Variants in ABCA9 observed in about 807,000 individuals in gnomAD.
ABCA9 encodes ATP-binding cassette sub-family A member 9.
In ABCA9, 183 loss-of-function variants were observed where a neutral mutation model predicts 205.3. The ratio of observed to expected loss-of-function variants is 0.89; its 90% CI spans 0.79 to 1.01. The LOEUF is 1.01. ABCA9 is among the 50% of genes least tolerant of loss of function. The pLI is 0.00. For synonymous variants in ABCA9, 651 were observed against 683.3 expected (o/e 0.95, Z 0.74); for missense variants, 1,805 against 1,912.4 (o/e 0.94, Z 1.05).
intron 26 of ABCA9, among the ~76,000 whole-genome samples, chr17:68,995,438 G>T (rs1414713589): frequency 6.6e-6 from 1 of 152,080 alleles, no homozygotes; most frequent in Non-Finnish European, 1.5e-5. Context: ...CACCGCGTAG[G>T]TCATATTATT....
intron 1 of ABCA9, among the ~76,000 whole-genome samples, chr17:69,058,836 C>CA (rs34009101): frequency 0.33 from 41,927 of 127,070 alleles, 6,429 homozygotes; most frequent in East Asian, 0.66. Flanking sequence ...GAGACTGTCT[C>CA]AAAAAAAAAA....
Position 69,007,885 on chromosome 17 carries a change from A to C in ABCA9, c.3322-13T>G. 6.5e-7 allele frequency: 1 copy of C among 1,546,978 alleles called. No homozygotes were observed. The highest frequency in any genetic ancestry group is 8.9e-7 in the Non-Finnish European group (1 of 1,122,858). Reference sequence around the variant, plus strand: ...TACTACACAGGATCTGAAAACAGAAATGTTAAGGTCCAATAAGGTAAATAC... The same window carrying C: ...TACTACACAGGATCTGAAAACAGAACTGTTAAGGTCCAATAAGGTAAATAC... On this transcript the variant is annotated splice_polypyrimidine_tract_variant and intron_variant, in intron 24 of 38. Coordinates refer to ENST00000340001, the MANE Select transcript of ABCA9 (RefSeq NM_080283.4).
chr17:69,021,702 TTTCTTTC>T (rs2070814369), intron 18 of ABCA9, 33 bp downstream of exon 18: 1 of 1,342,056 alleles, frequency 7.5e-7, no homozygotes, highest in African/African-American at 1.5e-5. Flanking sequence ...CCTTCCTTTC[TTTCTTTC>T]TCCCTTTCTT....
In ABCA9 at chr17:68,989,105, T is replaced by C. The variant is rs752297322; in HGVS notation, c.3969A>G (p.Gly1323=). 4 of 1,608,858 alleles carry C rather than the reference T, an allele frequency of 2.5e-6. No homozygotes were observed. The African/African-American group carries it at 5.3e-5, about 22-fold the overall frequency. The part of the protein sequence containing the change: ...SFCVKKGEVI[G]LLGHNGAGKS... ...TACCAGCTCCATTGTGTCCTAACAG[T>C]CCTATAACTTCACCTGAAAGAAAGT... Residue 1323 remains glycine, a synonymous_variant, in exon 31 of 39, where the codon GGA becomes GGG. Transcript: ENST00000340001.
rs779720462 is a variant in ABCA9 at position 68,989,227 on chromosome 17, A to G, written c.3956-109T>C. ...GTGCTATGTGAAATGTGCTATATAT[A>G]TTATTTCCCTTATTCCTCTCTCTCT... On this transcript the variant is annotated intron_variant, in intron 30 of 38. Transcript: ENST00000340001. 11 of 609,440 alleles carry G rather than the reference A, an allele frequency of 1.8e-5. 1 individual carries two copies. Among genetic ancestry groups the G allele is most frequent in the Non-Finnish European group, 3.3e-5 (11 of 332,686 alleles). The allele number at this position is 609,440 out of a possible 1,614,324, so 37.8% of individuals were successfully genotyped here. A position where few individuals can be genotyped will look rare whatever the true frequency, so the allele number is the denominator to read the frequency against.
intron 19 of ABCA9, among the ~76,000 whole-genome samples, chr17:69,019,586 A>C (rs2070747057): frequency 1.3e-5 from 2 of 152,134 alleles, no homozygotes; most frequent in African/African-American, 4.8e-5. Flanking sequence ...TATATGTCTA[A>C]TCACCCTCAA....
chr17:68,977,130 G>A (rs368379396), intron 37 of ABCA9, among the ~76,000 whole-genome samples: 1 of 152,164 alleles, frequency 6.6e-6, no homozygotes, highest in African/African-American at 2.4e-5. Flanking sequence ...TTTCAAAGGG[G>A]AGGTATCTTG....
At chr17:69,003,116 C>T (rs1598355319) in intron 25 of ABCA9, among the ~76,000 whole-genome samples, 1 of 151,292 alleles carries the variant, frequency 6.6e-6, no homozygotes. Context: ...AGTCCATTTA[C>T]ATTTAAAGTT....
Position 69,023,623 on chromosome 17 carries a change from C to G in ABCA9, c.2281+591G>C, listed in dbSNP as rs1272915299. On this transcript the variant is annotated intron_variant, in intron 17 of 38. Transcript: ENST00000340001. The surrounding 1 kb of genome is among the most constrained non-coding windows in gnomAD (Gnocchi z 4.2). ...ATTTTTACAGAGTAAACTTAAGAAG[C>G]ATTCTACCTCAAAACGCTTAGGAAG... Among the ~76,000 whole-genome samples, 1 of 152,166 alleles carries G rather than the reference C, an allele frequency of 6.6e-6. No individual in the cohort carries two copies. The highest frequency in any genetic ancestry group is 1.5e-5 in the Non-Finnish European group (1 of 68,024).
chr17:69,067,632 G>C, the ABCA9 span, among the ~76,000 whole-genome samples: 1 of 150,272 alleles, frequency 6.7e-6, no homozygotes, highest in East Asian at 1.9e-4. Flanking sequence ...AAGAAAGAAA[G>C]AAACAAAGAG....
chr17:69,032,178 C>CTG lies in ABCA9; in HGVS notation c.1373_1374dup (p.Asp459GlnfsTer40). On this transcript the variant is annotated frameshift_variant, in exon 10 of 39. Transcript: ENST00000340001. LOFTEE classifies it high-confidence loss of function. ...CAGTCATTAGGTGTAGGATCAGAAT[C>CTG]TGTTTCATTCTCAAGGACCACATGA... 1 of 1,614,024 alleles carries CTG rather than the reference C, an allele frequency of 6.2e-7. No individual in the cohort carries two copies. Among genetic ancestry groups the CTG allele is most frequent in the Non-Finnish European group, 8.5e-7 (1 of 1,179,934 alleles).
intron 23 of ABCA9, among the ~76,000 whole-genome samples, chr17:69,010,850 G>A (rs2070346497): frequency 6.6e-6 from 1 of 152,190 alleles, no homozygotes; most frequent in African/African-American, 2.4e-5. Flanking sequence ...AGCAACTGTA[G>A]ACAATAGTGC....
intron 3 of ABCA9, among the ~76,000 whole-genome samples, chr17:69,046,214 T>G (rs1224664842): frequency 6.6e-6 from 1 of 152,200 alleles, no homozygotes; most frequent in African/African-American, 2.4e-5. Flanking sequence ...TAGTGTTTCC[T>G]TAAGAGACTT....
chr17:69,051,265 CA>C, intron 1 of ABCA9, 126 bp from the exon 2 acceptor site: 2 of 736,674 alleles, frequency 2.7e-6, no homozygotes, highest in East Asian at 2.8e-5. Flanking sequence ...AGAAGAAAGC[CA>C]AAAGGCTAAA....
intron 28 of ABCA9, 136 bp from the exon 29 acceptor site, chr17:68,991,093 C>T (rs1306217668): frequency 4.1e-6 from 4 of 963,944 alleles, no homozygotes; most frequent in Non-Finnish European, 6.0e-6. Context: ...CTTCTACTTG[C>T]ACCATCCGCC....
intron 25 of ABCA9, among the ~76,000 whole-genome samples, chr17:69,003,477 C>G (rs577934943): frequency 7.5e-6 from 1 of 133,154 alleles, no homozygotes; most frequent in Non-Finnish European, 1.6e-5. Context: ...GGGTTTCTGC[C>G]GAGAGATCCA....
At chr17:69,018,094 T>C in intron 20 of ABCA9, 1 of 365,680 alleles carries the variant, frequency 2.7e-6, no homozygotes, top group South Asian at 6.5e-5. Flanking sequence ...TTTGAAACAT[T>C]TTTTTCCAGA....
chr17:69,045,186 T>C lies in ABCA9; in HGVS notation c.455A>G (p.His152Arg). 1 of 1,612,972 alleles carries C rather than the reference T, an allele frequency of 6.2e-7. No homozygotes were observed. The highest frequency in any genetic ancestry group is 8.5e-7 in the Non-Finnish European group (1 of 1,179,498). ...TCAAAAGTTACCTGAATGGTCTCTGTGCTCTTTCATCATGGGGATTCTATG... is the reference window on the plus strand; with the variant it reads ...TCAAAAGTTACCTGAATGGTCTCTGCGCTCTTTCATCATGGGGATTCTATG... ...WGHRIPMMKE[H>R]RDHSAHCQAV... Residue 152 changes from histidine (H) to arginine (R), a missense_variant, in exon 4 of 39, where the codon CAC (histidine) becomes CGC (arginine). His to Arg is a conservative substitution (Grantham distance 29). Coordinates refer to ENST00000340001, the MANE Select transcript of ABCA9 (RefSeq NM_080283.4).
At chr17:69,015,969 TTGTGTGTGTG>T (rs3046825) in intron 22 of ABCA9, among the ~76,000 whole-genome samples, 2 of 148,050 alleles carry the variant, frequency 1.4e-5, no homozygotes, top group East Asian at 2.0e-4. Context: ...CAATTCTAAA[TTGTGTGTGTG>T]TGTGTGTGTG....
Sources: allele counts gnomAD v4.1 joint callset (sites outside exome capture counted in the v4.1 genomes callset), GRCh38; gene constraint gnomAD v4.1.1; non-coding constraint Gnocchi (gnomAD v3.1); transcripts MANE v1.5; gene names NCBI Gene and HGNC (gene_info 2026-07-23, HGNC 2026-07-21).